PRDM2: variants seen among roughly 807,000 people sequenced by gnomAD.
PRDM2 encodes the protein PR/SET domain 2.
PRDM2 carries 30 observed loss-of-function variants against 130.0 expected under a neutral mutation model. The ratio of observed to expected loss-of-function variants is 0.23; its 90% confidence interval spans 0.17 to 0.31. The LOEUF is 0.31. Among genes scored for constraint, PRDM2 ranks in the 10% least tolerant of loss-of-function variants. PRDM2 has a pLI of 1.00. For synonymous variants in PRDM2, 871 were observed against 782.4 expected (o/e 1.11, Z -1.89); for missense variants, 2,011 against 2,108.4 (o/e 0.95, Z 0.90).
At chr1:13,739,856 T>C (rs1643385968) in intron 4 of PRDM2, among the ~76,000 whole-genome samples, 1 of 152,196 alleles carries the variant, frequency 6.6e-6, no homozygotes, top group Admixed American at 6.5e-5. Flanking sequence ...TATCTGTTTT[T>C]TCACACCCTT....
rs1324778623 is a variant in PRDM2, at chr1:13,732,865, A to G, written c.214A>G (p.Asn72Asp). 6.3e-7 allele frequency: 1 copy of G among 1,590,742 alleles called. No individual in the cohort carries two copies. The highest frequency in any genetic ancestry group is 8.6e-7 in the Non-Finnish European group (1 of 1,163,640). The change falls in exon 4 of 10, where the codon AAT becomes GAT. Residue 72 changes from asparagine (N) to aspartate (D), a missense_variant. Transcript: ENST00000311066. ...DKKKRSQVKN[N>D]VYMWEVYYPN... is the part of the protein sequence containing the mutation. Reference sequence around the variant, plus strand: ...GAAAAAAAGATCTCAGGTTAAGAATAATGTATACATGTGGGAGGTAAGAAG... The same window carrying G: ...GAAAAAAAGATCTCAGGTTAAGAATGATGTATACATGTGGGAGGTAAGAAG...
chr1:13,729,430 CACTT>C (rs1232360371), intron 2 of PRDM2, among the ~76,000 whole-genome samples: 1 of 152,162 alleles, frequency 6.6e-6, no homozygotes, highest in African/African-American at 2.4e-5. Context: ...TTGTTAATGT[CACTT>C]ACTTTATCAG....
At chr1:13,769,767 T>G (rs1292595035) in intron 6 of PRDM2, among the ~76,000 whole-genome samples, 1 of 152,202 alleles carries the variant, frequency 6.6e-6, no homozygotes. Context: ...AGAATTGGCT[T>G]ATTAGTGTTA....
In PRDM2 at chr1:13,779,650, C is replaced by A. The variant is rs150796456; in HGVS notation, c.1855C>A (p.Pro619Thr). 12 of 1,613,994 alleles carry A rather than the reference C, an allele frequency of 7.4e-6. No individual in the cohort carries two copies. The highest frequency in any genetic ancestry group is 1.1e-5 in the South Asian group (1 of 91,062). The part of the protein sequence containing the change: ...ITQNIKTTQV[P>T]VTEDLPKEPL... Reference sequence around the variant, plus strand: ...TCAAAATATAAAGACCACACAGGTCCCTGTAACAGAAGATCTTCCTAAAGA... The same window carrying A: ...TCAAAATATAAAGACCACACAGGTCACTGTAACAGAAGATCTTCCTAAAGA... The change falls in exon 8 of 10, where the codon CCT becomes ACT. Residue 619 changes from proline (P) to threonine (T), a missense_variant. By Grantham distance (38) the Pro-to-Thr change is conservative. This residue lies in a region of PRDM2 where 1,288 missense variants were observed against 1,237.7 expected (regional missense o/e 1.04). Transcript: ENST00000311066. The surrounding 1 kb of genome is among the most constrained non-coding windows in gnomAD (Gnocchi z 4.9).
At position 13,773,541 on chromosome 1, in the gene PRDM2, G is replaced by C. The variant is rs1478260006; in HGVS notation, c.622+353G>C. ...AGCCCGGGCAACATAGTGAGACCCT[G>C]TTTCTACAAAAGAAAATAAGAAAAT... On this transcript the variant is annotated intron_variant, in intron 7 of 9. Transcript: ENST00000311066. 5 of 157,496 alleles carry C rather than the reference G, an allele frequency of 3.2e-5. No homozygotes were observed. The East Asian group carries it at 9.1e-4, about 29-fold the overall frequency. The allele number at this position is 157,496 out of a possible 1,614,324, so 9.8% of individuals were successfully genotyped here.
intron 2 of PRDM2, among the ~76,000 whole-genome samples, chr1:13,719,115 A>T (rs913712128): frequency 2.6e-5 from 4 of 152,178 alleles, no homozygotes; most frequent in Non-Finnish European, 4.4e-5. Context: ...AGACAATTAA[A>T]CAAGATCTTG....
At chr1:13,753,051 A>T (rs1643877235) in intron 6 of PRDM2, among the ~76,000 whole-genome samples, 1 of 152,114 alleles carries the variant, frequency 6.6e-6, no homozygotes, top group Non-Finnish European at 1.5e-5. Context: ...ATCAATGGGG[A>T]TTTATGGAGC....
intron 1 of PRDM2, among the ~76,000 whole-genome samples, chr1:13,710,222 A>G (rs1557591658): frequency 6.6e-6 from 1 of 152,164 alleles, no homozygotes; most frequent in Non-Finnish European, 1.5e-5. Flanking sequence ...TTGGTAATAG[A>G]GGGTGCTGGG....
chr1:13,710,116 G>A (rs1310349331), intron 1 of PRDM2, among the ~76,000 whole-genome samples: 3 of 152,108 alleles, frequency 2.0e-5, no homozygotes. Context: ...TTACAAGTCC[G>A]TAAAGGGCAG....
At chr1:13,819,628 C>T in intron 9 of PRDM2, among the ~76,000 whole-genome samples, 1 of 152,238 alleles carries the variant, frequency 6.6e-6, no homozygotes, top group Non-Finnish European at 1.5e-5. Context: ...CAAAATACCA[C>T]TGACTGTGTG....
chr1:13,719,872 C>T (rs759362434), intron 2 of PRDM2, among the ~76,000 whole-genome samples: 14 of 151,846 alleles, frequency 9.2e-5, no homozygotes, highest in South Asian at 2.1e-4. Context: ...AGAATTTTAG[C>T]GATTTTAATA....
chr1:13,725,247 C>T (rs556474280), intron 2 of PRDM2, among the ~76,000 whole-genome samples: 3 of 152,298 alleles, frequency 2.0e-5, no homozygotes, highest in South Asian at 4.1e-4. Context: ...CTCTATCCCC[C>T]GGGCTGGAGT....
chr1:13,767,074 A>G (rs1052880638), intron 6 of PRDM2, among the ~76,000 whole-genome samples: 9 of 152,304 alleles, frequency 5.9e-5, no homozygotes, highest in African/African-American at 2.2e-4. Flanking sequence ...GTATAATGCT[A>G]TACATAGTCT....
chr1:13,809,858 T>G (rs1272128223), intron 8 of PRDM2, among the ~76,000 whole-genome samples: 2 of 152,206 alleles, frequency 1.3e-5, no homozygotes, highest in African/African-American at 4.8e-5. Context: ...ACAGAAATTT[T>G]TTTTTCACAG....
chr1:13,759,015 TGTTA>T (rs1644032639), intron 6 of PRDM2, among the ~76,000 whole-genome samples: 1 of 152,202 alleles, frequency 6.6e-6, no homozygotes, highest in Non-Finnish European at 1.5e-5. Context: ...TATATGTTCT[TGTTA>T]GTTTAATCAG....
chr1:13,755,939 A>C (rs1643939920), intron 6 of PRDM2, among the ~76,000 whole-genome samples: 1 of 151,934 alleles, frequency 6.6e-6, no homozygotes. Flanking sequence ...CTTTGTATTT[A>C]AAGTTGCCTC....
Position 13,749,379 on chromosome 1 carries a change from G to A in PRDM2, c.403G>A (p.Glu135Lys), listed in dbSNP as rs750242269. Residue 135 changes from glutamate (E) to lysine (K), a missense_variant, in exon 6 of 10, where the codon GAG (glutamate) becomes AAG (lysine). Around this residue, in one of 5 missense-constraint regions of PRDM2, gnomAD observed 1,288 missense variants for 1,237.7 expected, o/e 1.04. Transcript: ENST00000311066. ...KTLKPIAPGE[E>K]LLVWYNGEDN... The stretch of plus-strand genomic sequence containing the variant: ...CCCGCAGCCAATCGCGCCGGGCGAG[G>A]AGCTCCTGGTCTGGTACAATGGGGA... 6.7e-7 allele frequency: 1 copy of A among 1,494,560 alleles called. No individual in the cohort carries two copies. Among genetic ancestry groups the A allele is most frequent in the Non-Finnish European group, 9.0e-7 (1 of 1,108,008 alleles). The allele number at this position is 1,494,560 out of a possible 1,614,324, so 92.6% of individuals were successfully genotyped here.
Position 13,823,571 on chromosome 1 carries a change from C to A in PRDM2, c.*436C>A, listed in dbSNP as rs183959353. 62 of 187,774 alleles carry A rather than the reference C, an allele frequency of 3.3e-4. 1 individual carries two copies. Among genetic ancestry groups the A allele is most frequent in the Non-Finnish European group, 4.9e-4 (44 of 90,526 alleles). 11.6% of individuals were successfully genotyped at this position (187,774 alleles called of 1,614,324 possible). On this transcript the variant is annotated 3_prime_UTR_variant, in exon 10 of 10. Coordinates refer to ENST00000311066, the MANE Select transcript of PRDM2 (RefSeq NM_001393986.1). ...GACCCAGGGGTCAGCCTTAGGAAGGCCTTCAGGAGGAGGCCGAGTTCCCCT... is the reference window on the plus strand; with the variant it reads ...GACCCAGGGGTCAGCCTTAGGAAGGACTTCAGGAGGAGGCCGAGTTCCCCT...
chr1:13,720,453 G>T (rs1642687223), intron 2 of PRDM2, among the ~76,000 whole-genome samples: 1 of 152,154 alleles, frequency 6.6e-6, no homozygotes, highest in South Asian at 2.1e-4. Flanking sequence ...TGTGGGCTCA[G>T]CTCTGGGGTC....
Sources: allele counts gnomAD v4.1 joint callset (sites outside exome capture counted in the v4.1 genomes callset), GRCh38; gene constraint gnomAD v4.1.1; regional missense constraint gnomAD v4.1.1; non-coding constraint Gnocchi (gnomAD v3.1); transcripts MANE v1.5; gene names NCBI Gene and HGNC (gene_info 2026-07-23, HGNC 2026-07-21).